Variants in LRRC38 observed in about 807,000 individuals in gnomAD.
LRRC38 encodes the protein leucine-rich repeat-containing protein 38.
Under a neutral mutation model 16.4 loss-of-function variants are expected in LRRC38, and 5 were observed. That is an observed-to-expected ratio of 0.31 (90% CI 0.16 to 0.64). The LOEUF (loss-of-function observed/expected upper bound fraction) is 0.64, where lower values mean the gene tolerates loss of function less well. LRRC38 is among the 30% of genes least tolerant of loss of function. The pLI, the probability that LRRC38 is intolerant of heterozygous loss-of-function variation, is 0.80. For missense variants in LRRC38, 341 were observed against 401.8 expected (o/e 0.85, Z 1.29); for synonymous variants, 191 against 190.2 (o/e 1.00, Z -0.04).
chr1:13,475,711 G>A lies in LRRC38; in HGVS notation c.*135C>T. ...GTGGTCCCAGCAGGTGTACCCAGGG[G>A]CCAAGACACGGAACAGGCTCTGTTC... is the stretch of plus-strand genomic sequence containing the variant. On this transcript the variant is annotated 3_prime_UTR_variant, in exon 2 of 2. Transcript: ENST00000376085. This position sits in a 1 kb window ranked among gnomAD's most constrained non-coding sequence, Gnocchi z 4.3. The A allele has an allele frequency of 2.6e-6, 3 of 1,155,426 alleles. No individual in the cohort carries two copies. Among genetic ancestry groups the A allele is most frequent in the Non-Finnish European group, 1.2e-6 (1 of 835,130 alleles). The allele number at this position is 1,155,426 out of a possible 1,614,324, so 71.6% of individuals were successfully genotyped here.
chr1:13,499,860 AAAAT>A (rs1228628048), intron 1 of LRRC38, among the ~76,000 whole-genome samples: 1 of 152,172 alleles, frequency 6.6e-6, no homozygotes, highest in East Asian at 1.9e-4. Context: ...TTGTGAAAGG[AAAAT>A]AAATCTCACC....
chr1:13,502,231 G>A (rs536160086), intron 1 of LRRC38, among the ~76,000 whole-genome samples: 20 of 151,470 alleles, frequency 1.3e-4, no homozygotes, highest in East Asian at 7.8e-4. Flanking sequence ...GTGAGCCACC[G>A]CACCCGGCCA....
rs1639150688 is a variant in LRRC38 at position 13,501,616 on chromosome 1, TAG to T, written c.631+11345_631+11346del. On this transcript the variant is annotated intron_variant, in intron 1 of 1. Transcript: ENST00000376085. ...TTGTTTTTTGTTTGTTTGTTTGAGATAGAGTCTCACTCTGTTGCCCAGGCTGG... is the reference window on the plus strand; with the variant it reads ...TTGTTTTTTGTTTGTTTGTTTGAGATAGTCTCACTCTGTTGCCCAGGCTGG... 2.6e-5 allele frequency among the ~76,000 whole-genome samples: 2 copies of T among 77,158 alleles called. 1 individual carries two copies. The highest frequency in any genetic ancestry group is 2.5e-4 in the Admixed American group (2 of 7,896). The allele number at this position is 77,158 out of a possible 152,430, so 50.6% of individuals were successfully genotyped here.
rs1486661917 is a variant in LRRC38 at position 13,500,576 on chromosome 1, C to T, written c.631+12387G>A. ...CCCACTTCAAGTTGTCCCACCTTTC[C>T]GGACCGAACCAAGGTACATCTAACA... is the stretch of plus-strand genomic sequence containing the variant. On this transcript the variant is annotated intron_variant, in intron 1 of 1. Coordinates refer to ENST00000376085, the MANE Select transcript of LRRC38 (RefSeq NM_001010847.2). 3.3e-5 allele frequency among the ~76,000 whole-genome samples: 5 copies of T among 152,308 alleles called. No homozygotes were observed. In the East Asian group the frequency reaches 5.8e-4, roughly 18 times the overall value.
intron 1 of LRRC38, among the ~76,000 whole-genome samples, chr1:13,511,864 G>A (rs1281687469): frequency 1.3e-5 from 2 of 152,146 alleles, no homozygotes; most frequent in African/African-American, 4.8e-5. Context: ...CGAAGCATGG[G>A]GTGTGTTTGA....
chr1:13,510,875 T>C (rs1639266449), intron 1 of LRRC38, among the ~76,000 whole-genome samples: 1 of 152,184 alleles, frequency 6.6e-6, no homozygotes, highest in South Asian at 2.1e-4. Context: ...CGGGTCTCAC[T>C]TCAAGGTAAC....
intron 1 of LRRC38, among the ~76,000 whole-genome samples, chr1:13,500,314 T>G (rs1001311649): frequency 1.3e-5 from 2 of 151,394 alleles, no homozygotes; most frequent in African/African-American, 2.4e-5. Flanking sequence ...CATACCTCCC[T>G]CACAATTTGC....
chr1:13,489,619 C>T (rs994611443), intron 1 of LRRC38, among the ~76,000 whole-genome samples: 1 of 152,152 alleles, frequency 6.6e-6, no homozygotes, highest in Non-Finnish European at 1.5e-5. Context: ...GTCGCTGCTG[C>T]AGCCGCTTCA....
chr1:13,509,110 A>C (rs539479688), intron 1 of LRRC38, among the ~76,000 whole-genome samples: 94 of 152,250 alleles, frequency 6.2e-4, no homozygotes, highest in Non-Finnish European at 1.0e-3. Context: ...GACAGGGTTC[A>C]CAGACCCAAG....
chr1:13,478,283 G>T (rs55957512), intron 1 of LRRC38, among the ~76,000 whole-genome samples: 14,105 of 152,244 alleles, frequency 0.093, 691 homozygotes, highest in Middle Eastern at 0.16. Flanking sequence ...TGCAGATCTT[G>T]TTCTAATCAC....
chr1:13,488,777 G>A (rs1339073593), intron 1 of LRRC38, among the ~76,000 whole-genome samples: 1 of 152,140 alleles, frequency 6.6e-6, no homozygotes, highest in Non-Finnish European at 1.5e-5. Context: ...CTGGAAATTT[G>A]GATGTGTCCT....
chr1:13,505,927 A>AGGAGGGGCCCGTCTGGGCTGTG (rs1639206734), intron 1 of LRRC38, among the ~76,000 whole-genome samples: 1 of 88,412 alleles, frequency 1.1e-5, no homozygotes, highest in Non-Finnish European at 2.1e-5. Flanking sequence ...AGAAGTGATA[A>AGGAGGGGCCCGTCTGGGCTGTG]GGAGGGGCCC....
chr1:13,510,401 C>A (rs1032432471), intron 1 of LRRC38, among the ~76,000 whole-genome samples: 1 of 152,162 alleles, frequency 6.6e-6, no homozygotes, highest in Non-Finnish European at 1.5e-5. Flanking sequence ...ACAACAGCGC[C>A]AATTAAAACA....
chr1:13,501,432 G>A (rs7532652), intron 1 of LRRC38, among the ~76,000 whole-genome samples: 7,266 of 150,510 alleles, frequency 0.048, 619 homozygotes, highest in African/African-American at 0.17. Flanking sequence ...ATTTTGAGAC[G>A]GAATCTCACT....
At chr1:13,483,315 C>A (rs528858184) in intron 1 of LRRC38, among the ~76,000 whole-genome samples, 36 of 152,234 alleles carry the variant, frequency 2.4e-4, no homozygotes, top group Admixed American at 2.2e-3. Context: ...CCACCCCCAG[C>A]TAATTTTTGT....
chr1:13,481,078 A>G (rs1165619461), intron 1 of LRRC38, among the ~76,000 whole-genome samples: 1 of 152,102 alleles, frequency 6.6e-6, no homozygotes, highest in East Asian at 1.9e-4. Context: ...GTTAGATGAG[A>G]TTAGGTAACT....
rs1051386157 is a variant in LRRC38 at position 13,510,006 on chromosome 1, C to T, written c.631+2957G>A. ...CTGCACTTCACACAAGCTCCCCTGGCGATTCTCATGCAGGTGGTTCTCAGG... is the reference window on the plus strand; with the variant it reads ...CTGCACTTCACACAAGCTCCCCTGGTGATTCTCATGCAGGTGGTTCTCAGG... On this transcript the variant is annotated intron_variant, in intron 1 of 1. Transcript: ENST00000376085. 2.6e-5 allele frequency among the ~76,000 whole-genome samples: 4 copies of T among 152,170 alleles called. No individual in the cohort carries two copies. The South Asian group carries it at 6.2e-4, about 24-fold the overall frequency.
intron 1 of LRRC38, among the ~76,000 whole-genome samples, chr1:13,491,228 C>A (rs1205451309): frequency 6.6e-6 from 1 of 152,238 alleles, no homozygotes; most frequent in Non-Finnish European, 1.5e-5. Flanking sequence ...CTGCACAAGA[C>A]AGCACCCACA....
intron 1 of LRRC38, 31 bp downstream of exon 1, chr1:13,512,932 T>TCCCCCCCCC: frequency 2.0e-6 from 1 of 495,306 alleles, no homozygotes; most frequent in South Asian, 2.8e-5. Flanking sequence ...CCCCCCTCCC[T>TCCCCCCCCC]CCCTCCCCCA....
Sources: gnomAD v4.1 joint callset for allele counts (sites outside exome capture counted in the v4.1 genomes callset) on GRCh38, gnomAD v4.1.1 for gene constraint, Gnocchi (gnomAD v3.1) non-coding constraint, MANE v1.5 for transcripts, NCBI Gene and HGNC (gene_info 2026-07-23, HGNC 2026-07-21) for gene names.